The following SORCS2 variants were observed in gnomAD, a reference collection of about 807,000 sequenced individuals.
The protein encoded by SORCS2 is VPS10 domain-containing receptor SorCS2.
SORCS2 carries 100 observed loss-of-function variants against 141.6 expected under a neutral mutation model. The observed-to-expected ratio is 0.71, with a 90% confidence interval of 0.60 to 0.83. The LOEUF is 0.83. Ranked by LOEUF, SORCS2 falls within the 40% of genes least tolerant of loss-of-function variation. SORCS2 has a pLI of 0.00. For missense variants in SORCS2, 1,646 were observed against 1,560.2 expected, an observed-to-expected ratio of 1.05 and a Z score of -0.93; for synonymous variants, 789 against 676.9, an observed-to-expected ratio of 1.17 and a Z score of -2.57.
Position 7,342,838 on chromosome 4 carries a change from C to G in SORCS2, c.481-53450C>G, listed in dbSNP as rs942958608. Among the ~76,000 whole-genome samples the G allele has an allele frequency of 2.0e-5, 3 of 152,208 alleles. No homozygotes were observed. In the East Asian group the frequency reaches 5.8e-4, roughly 29 times the overall value. On this transcript the variant is annotated intron_variant, in intron 1 of 26. Coordinates refer to ENST00000507866, the MANE Select transcript of SORCS2 (RefSeq NM_020777.3). ...CAGAGCTGTGAGCAGGCAGATGGGA[C>G]TAATTTGATCTCTTCCGTTGTAAAT...
chr4:7,518,477 C>T (rs373764916), intron 2 of SORCS2, among the ~76,000 whole-genome samples: 2 of 152,174 alleles, frequency 1.3e-5, no homozygotes, highest in South Asian at 2.1e-4. Context: ...CTGTGTGTCT[C>T]GTGGGGACTG....
At chr4:7,731,663 T>TTGACC (rs1711698113) in intron 23 of SORCS2, among the ~76,000 whole-genome samples, 1 of 152,130 alleles carries the variant, frequency 6.6e-6, no homozygotes, top group Non-Finnish European at 1.5e-5. Context: ...AATCCATACA[T>TTGACC]GTACGGTCAA....
Position 7,535,870 on chromosome 4 carries a change from C to T in SORCS2, c.648+4241C>T, listed in dbSNP as rs150199264. On this transcript the variant is annotated intron_variant, in intron 3 of 26. Transcript: ENST00000507866. ...TGCACCCACCTGGTTCCCTCAGGCC[C>T]GGGTCAGGCTGCTTGCTCGTGGCAT... is the stretch of plus-strand genomic sequence containing the variant. Among the ~76,000 whole-genome samples, 1,212 of 152,360 alleles carry T rather than the reference C, an allele frequency of 8.0e-3. 9 individuals are homozygous for T. The highest frequency in any genetic ancestry group is 0.011 in the Non-Finnish European group (774 of 68,026).
chr4:7,730,370 G>C (rs1036082595), intron 23 of SORCS2, among the ~76,000 whole-genome samples: 10 of 152,168 alleles, frequency 6.6e-5, no homozygotes, highest in South Asian at 2.1e-4. Context: ...TCCTCAGTAA[G>C]TTATACCTAA....
At chr4:7,732,937 C>T (rs566318511) in intron 23 of SORCS2, among the ~76,000 whole-genome samples, 9 of 152,060 alleles carry the variant, frequency 5.9e-5, no homozygotes, top group African/African-American at 1.4e-4. Context: ...GCAGGACTCA[C>T]ACTGGTCCAC....
intron 4 of SORCS2, among the ~76,000 whole-genome samples, chr4:7,647,065 C>T (rs1721130055): frequency 1.3e-5 from 2 of 152,074 alleles, no homozygotes; most frequent in South Asian, 2.1e-4. Context: ...ATGACGCTGT[C>T]CCGAAAAACA....
At chr4:7,637,098 G>C (rs1388020235) in intron 3 of SORCS2, among the ~76,000 whole-genome samples, 1 of 152,194 alleles carries the variant, frequency 6.6e-6, no homozygotes, top group African/African-American at 2.4e-5. Context: ...CCTAAATCCA[G>C]ATGGCTTCAT....
intron 26 of SORCS2, among the ~76,000 whole-genome samples, chr4:7,739,085 T>C (rs1712440196): frequency 6.6e-6 from 1 of 152,162 alleles, no homozygotes; most frequent in Admixed American, 6.5e-5. Context: ...GAGGCAGTCA[T>C]CGACATTGCG....
At chr4:7,451,266 C>A (rs1728446919) in intron 2 of SORCS2, among the ~76,000 whole-genome samples, 1 of 152,220 alleles carries the variant, frequency 6.6e-6, no homozygotes, top group Non-Finnish European at 1.5e-5. Context: ...GGGGCCTGGG[C>A]CTAGGTCTTC....
chr4:7,676,007 C>G (rs1216907999), intron 8 of SORCS2, 43 bp from the exon 9 acceptor site: 7 of 1,548,428 alleles, frequency 4.5e-6, no homozygotes, highest in Non-Finnish European at 5.2e-6. Context: ...TCGTGCAGCC[C>G]CCAGCCTGGC....
chr4:7,667,186 G>A lies in SORCS2; in HGVS notation c.1134G>A (p.Met378Ile). The A allele has an allele frequency of 6.2e-7, 1 of 1,613,876 alleles. No individual in the cohort carries two copies. The highest frequency in any genetic ancestry group is 8.5e-7 in the Non-Finnish European group (1 of 1,179,784). ...ATCGTCGAAATGAATTTGTCCTGATGAAGCTGCCGAAGTATGCATTGCCAA... is the reference window on the plus strand; with the variant it reads ...ATCGTCGAAATGAATTTGTCCTGATAAAGCTGCCGAAGTATGCATTGCCAA... ...VSYRRNEFVL[M>I]KLPKYALPKD... Residue 378 changes from methionine to isoleucine, a missense_variant, in exon 8 of 27, where the codon ATG becomes ATA. By Grantham distance (10) the Met-to-Ile change is conservative. Coordinates refer to ENST00000507866, the MANE Select transcript of SORCS2 (RefSeq NM_020777.3).
intron 1 of SORCS2, among the ~76,000 whole-genome samples, chr4:7,254,670 G>A (rs1713728462): frequency 6.6e-6 from 1 of 152,178 alleles, no homozygotes; most frequent in Non-Finnish European, 1.5e-5. Flanking sequence ...AAGAGGGGCG[G>A]GCTGACACCC....
rs979477567 is a variant in SORCS2 at position 7,357,111 on chromosome 4, C to G, written c.481-39177C>G. ...TACGGCCTGGGGTCCGGCTGGAGCT[C>G]TTGCTGGGCCCAGGTGGTGCAGCCA... On this transcript the variant is annotated intron_variant, in intron 1 of 26. Transcript: ENST00000507866. Among the ~76,000 whole-genome samples, 10 of 152,198 alleles carry G rather than the reference C, an allele frequency of 6.6e-5. 1 individual carries two copies. The highest frequency in any genetic ancestry group is 1.0e-4 in the Non-Finnish European group (7 of 68,034).
chr4:7,477,187 C>T (rs78396486), intron 2 of SORCS2, among the ~76,000 whole-genome samples: 1,682 of 151,666 alleles, frequency 0.011, 37 homozygotes, highest in African/African-American at 0.038. Flanking sequence ...CTAGATAAGA[C>T]GTGGCCTCCG....
chr4:7,558,966 C>T (rs989038951), intron 3 of SORCS2, among the ~76,000 whole-genome samples: 1 of 152,202 alleles, frequency 6.6e-6, no homozygotes, highest in Non-Finnish European at 1.5e-5. Context: ...GGTTTTTGCC[C>T]TGCCCGATGT....
intron 2 of SORCS2, chr4:7,434,176 G>A (rs1434405493): frequency 1.2e-6 from 2 of 1,613,906 alleles, no homozygotes; most frequent in Non-Finnish European, 1.7e-6. Context: ...TGCTTGGTCA[G>A]CAGGGACAAA....
rs996420208 is a variant in SORCS2 at position 7,697,128 on chromosome 4, G to A, written c.1592-70G>A. 27 of 1,372,024 alleles carry A rather than the reference G, an allele frequency of 2.0e-5. No individual in the cohort carries two copies. In the Admixed American group the frequency reaches 4.7e-4, roughly 24 times the overall value. The allele number at this position is 1,372,024 out of a possible 1,614,324, so 85.0% of individuals were successfully genotyped here. ...CCACCGTTGCTTGAGGTTTTTCCATGCTCAGACTTGTTAAAGGGGTAAAGC... is the reference window on the plus strand; with the variant it reads ...CCACCGTTGCTTGAGGTTTTTCCATACTCAGACTTGTTAAAGGGGTAAAGC... On this transcript the variant is annotated intron_variant, in intron 11 of 26. Transcript: ENST00000507866.
intron 1 of SORCS2, among the ~76,000 whole-genome samples, chr4:7,324,451 C>T (rs4689106): frequency 0.22 from 32,749 of 152,194 alleles, 3,935 homozygotes; most frequent in African/African-American, 0.3. Context: ...CGTCTGCCGG[C>T]GTCACCATCT....
At chr4:7,274,593 A>G (rs922776261) in intron 1 of SORCS2, among the ~76,000 whole-genome samples, 6 of 152,150 alleles carry the variant, frequency 3.9e-5, no homozygotes, top group Non-Finnish European at 5.9e-5. Flanking sequence ...AGAGCTCACT[A>G]TCACAAGAAT....
Sources: gnomAD v4.1 joint callset for allele counts (sites outside exome capture counted in the v4.1 genomes callset) on GRCh38, gnomAD v4.1.1 for gene constraint, MANE v1.5 for transcripts, NCBI Gene and HGNC (gene_info 2026-07-23, HGNC 2026-07-21) for gene names.